HLF: variants seen among roughly 807,000 people sequenced by gnomAD.
HLF encodes HLF transcription factor, PAR bZIP family member.
A neutral mutation model predicts 22.6 loss-of-function variants in HLF; 3 were observed. The ratio of observed to expected loss-of-function variants is 0.13; its 90% CI spans 0.06 to 0.34. The LOEUF (loss-of-function observed/expected upper bound fraction) is 0.34. Among genes scored for constraint, HLF ranks in the 10% least tolerant of loss-of-function variants. The pLI, the probability that HLF is intolerant of heterozygous loss-of-function variation, is 1.00. For missense variants in HLF, 299 were observed against 389.2 expected (o/e 0.77, Z 1.95); for synonymous variants, 151 against 151.8 (o/e 0.99, Z 0.04).
intron 2 of HLF, among the ~76,000 whole-genome samples, chr17:55,294,374 G>A (rs1458301486): frequency 9.2e-5 from 14 of 152,206 alleles, no homozygotes; most frequent in South Asian, 4.1e-4. Context: ...TCAGCTGTGC[G>A]TGTGGCCCTC....
chr17:55,317,056 C>T (rs1359484043), intron 3 of HLF, among the ~76,000 whole-genome samples: 1 of 151,534 alleles, frequency 6.6e-6, no homozygotes, highest in African/African-American at 2.4e-5. Context: ...CAAGCTCCGC[C>T]TCCCCGGTTC....
chr17:55,324,633 G>A lies in HLF; in HGVS notation c.*3754G>A, dbSNP rs900011091. On this transcript the variant is annotated 3_prime_UTR_variant, in exon 4 of 4. Coordinates refer to ENST00000226067, the MANE Select transcript of HLF (RefSeq NM_002126.5). Reference sequence around the variant, plus strand: ...CTAAGTGATCTGCCCTCCAGGTGGCGATCACCTTCTGCTCCTAGGTACCCC... The same window carrying A: ...CTAAGTGATCTGCCCTCCAGGTGGCAATCACCTTCTGCTCCTAGGTACCCC... 5 of 232,534 alleles carry A rather than the reference G, an allele frequency of 2.2e-5. 1 individual carries two copies. Among genetic ancestry groups the A allele is most frequent in the African/African-American group, 2.2e-5 (1 of 45,266 alleles). 14.4% of individuals were successfully genotyped at this position (232,534 alleles called of 1,614,324 possible).
intron 2 of HLF, among the ~76,000 whole-genome samples, chr17:55,275,500 A>T (rs1222928762): frequency 1.3e-5 from 2 of 152,244 alleles, no homozygotes; most frequent in Non-Finnish European, 2.9e-5. Context: ...AATTATATTT[A>T]AAGGCAATAT....
intron 2 of HLF, among the ~76,000 whole-genome samples, chr17:55,306,091 C>T (rs1904534902): frequency 6.6e-6 from 1 of 152,054 alleles, no homozygotes; most frequent in Admixed American, 6.5e-5. Context: ...AGAGGTGGCT[C>T]ATGTTTGTAA....
intron 2 of HLF, among the ~76,000 whole-genome samples, chr17:55,294,228 A>G (rs1436723076): frequency 6.6e-6 from 1 of 152,220 alleles, no homozygotes; most frequent in African/African-American, 2.4e-5. Flanking sequence ...TGCCCACACT[A>G]TGCTGATCTG....
intron 2 of HLF, among the ~76,000 whole-genome samples, chr17:55,314,419 C>T (rs974356867): frequency 2.0e-5 from 3 of 152,208 alleles, no homozygotes; most frequent in Non-Finnish European, 4.4e-5. Context: ...AGTCTGCAGC[C>T]GTGGCTCATG....
chr17:55,293,422 C>T (rs189342662), intron 2 of HLF, among the ~76,000 whole-genome samples: 13 of 152,210 alleles, frequency 8.5e-5, no homozygotes, highest in South Asian at 8.3e-4. Context: ...TCCTGAGAAC[C>T]GGGCAGTCAG....
chr17:55,283,263 G>T (rs190425852), intron 2 of HLF, among the ~76,000 whole-genome samples: 7 of 152,286 alleles, frequency 4.6e-5, no homozygotes, highest in African/African-American at 1.7e-4. Flanking sequence ...CAGGTTTGTA[G>T]GACCTGCCTG....
In HLF at chr17:55,315,408, C is replaced by G. The variant is rs779581406; in HGVS notation, c.633C>G (p.Ile211Met). 10 of 1,614,158 alleles carry G rather than the reference C, an allele frequency of 6.2e-6. No individual in the cohort carries two copies. The highest frequency in any genetic ancestry group is 1.1e-5 in the South Asian group (1 of 91,070). Residue 211 changes from isoleucine to methionine, a missense_variant, in exon 3 of 4, where the codon ATC becomes ATG. Ile to Met is a conservative substitution (Grantham distance 10). This residue lies in a region of HLF where 224 missense variants were observed against 298.1 expected (regional missense o/e 0.75). Coordinates refer to ENST00000226067, the MANE Select transcript of HLF (RefSeq NM_002126.5). ...AAGAACTGAAGCCACAGCCCATGAT[C>G]AAGAAAGCTCGCAAAGTCTTCATCC... ...SEEELKPQPMIKKARKVFIPD... is the reference protein window; with the variant it reads ...SEEELKPQPMMKKARKVFIPD...
In HLF at chr17:55,298,388, C is replaced by A. The variant is rs1487294317; in HGVS notation, c.452-16839C>A. Among the ~76,000 whole-genome samples, 3 of 152,138 alleles carry A rather than the reference C, an allele frequency of 2.0e-5. No homozygotes were observed. The East Asian group carries it at 5.8e-4, about 29-fold the overall frequency. On this transcript the variant is annotated intron_variant, in intron 2 of 3. Coordinates refer to ENST00000226067, the MANE Select transcript of HLF (RefSeq NM_002126.5). Reference sequence around the variant, plus strand: ...AGACGCATGGAACTCAGAATCTGATCTTTTGATGATGACTTCATATATATG... The same window carrying A: ...AGACGCATGGAACTCAGAATCTGATATTTTGATGATGACTTCATATATATG...
intron 2 of HLF, among the ~76,000 whole-genome samples, chr17:55,275,944 A>AT (rs1243865956): frequency 6.6e-6 from 1 of 152,106 alleles, no homozygotes; most frequent in Non-Finnish European, 1.5e-5. Context: ...TCTACAAAAT[A>AT]TTTTTTTAAA....
intron 2 of HLF, among the ~76,000 whole-genome samples, chr17:55,288,059 C>T (rs903063293): frequency 6.6e-5 from 10 of 152,158 alleles, no homozygotes; most frequent in Admixed American, 3.3e-4. Context: ...TTGGAGGAGG[C>T]GAAGTGCAGA....
intron 1 of HLF, among the ~76,000 whole-genome samples, chr17:55,267,351 G>A (rs914316720): frequency 6.6e-6 from 1 of 152,138 alleles, no homozygotes; most frequent in African/African-American, 2.4e-5. Context: ...ATGAATTCCT[G>A]GAAGATAATT....
At chr17:55,315,739 A>G (rs1410765116) in intron 3 of HLF, among the ~76,000 whole-genome samples, 1 of 152,224 alleles carries the variant, frequency 6.6e-6, no homozygotes, top group East Asian at 1.9e-4. Context: ...GAAACCCACA[A>G]AAGTCTAATA....
chr17:55,280,862 T>C (rs1441628918), intron 2 of HLF, among the ~76,000 whole-genome samples: 1 of 152,106 alleles, frequency 6.6e-6, no homozygotes, highest in Non-Finnish European at 1.5e-5. Context: ...GAAATGGAAA[T>C]ACAAGGAAAT....
intron 2 of HLF, among the ~76,000 whole-genome samples, chr17:55,285,462 G>A (rs2080995643): frequency 6.6e-6 from 1 of 152,162 alleles, no homozygotes; most frequent in South Asian, 2.1e-4. Flanking sequence ...ACTTGCATTT[G>A]CCAGGCCTGC....
intron 2 of HLF, among the ~76,000 whole-genome samples, chr17:55,291,706 T>A (rs1114603): frequency 0.43 from 65,040 of 152,124 alleles, 14,568 homozygotes; most frequent in East Asian, 0.75. Flanking sequence ...AATTTACTTT[T>A]TAAGACAATA....
chr17:55,297,727 T>G (rs1394279094), intron 2 of HLF, among the ~76,000 whole-genome samples: 2 of 143,342 alleles, frequency 1.4e-5, no homozygotes, highest in Non-Finnish European at 3.0e-5. Context: ...TGTCTTCATC[T>G]AACAGCATTT....
At position 55,315,418 on chromosome 17, in the gene HLF, C is replaced by G; in HGVS notation, c.643C>G (p.Arg215Gly). The G allele has an allele frequency of 6.2e-7, 1 of 1,614,074 alleles. No homozygotes were observed. Among genetic ancestry groups the G allele is most frequent in the Non-Finnish European group, 8.5e-7 (1 of 1,179,966 alleles). ...GCCACAGCCCATGATCAAGAAAGCT[C>G]GCAAAGTCTTCATCCCTGATGACCT... ...LKPQPMIKKA[R>G]KVFIPDDLKD... The change falls in exon 3 of 4, where the codon CGC becomes GGC. Residue 215 changes from arginine to glycine, a missense_variant. By Grantham distance (125) the Arg-to-Gly change is moderately radical. Around this residue, in one of 3 missense-constraint regions of HLF, gnomAD observed 224 missense variants for 298.1 expected, o/e 0.75. Transcript: ENST00000226067.
Sources: gnomAD v4.1 joint callset for allele counts (sites outside exome capture counted in the v4.1 genomes callset) on GRCh38, gnomAD v4.1.1 for gene constraint, gnomAD v4.1.1 regional missense constraint, MANE v1.5 for transcripts, NCBI Gene and HGNC (gene_info 2026-07-23, HGNC 2026-07-21) for gene names.